The following SZT2 variants were observed in gnomAD, a reference collection of about 807,000 sequenced individuals.
SZT2 encodes SZT2 subunit of KICSTOR complex.
A neutral mutation model predicts 404.2 loss-of-function variants in SZT2; 216 were observed. The ratio of observed to expected loss-of-function variants is 0.53; its 90% CI spans 0.48 to 0.60. The LOEUF is 0.60. SZT2 is among the 20% of genes least tolerant of loss of function. The pLI is 0.00. For missense variants in SZT2, 3,857 were observed against 4,459.2 expected (o/e 0.86, Z 3.85); for synonymous variants, 1,693 against 1,749.9 (o/e 0.97, Z 0.81).
chr1:43,411,190 G>A (rs1285854844), intron 4 of SZT2, among the ~76,000 whole-genome samples: 1 of 152,208 alleles, frequency 6.6e-6, no homozygotes, highest in African/African-American at 2.4e-5. Context: ...CAAAAGTAGA[G>A]GATCTACAGG....
chr1:43,432,427 C>T lies in SZT2; in HGVS notation c.5430C>T (p.Gly1810=), dbSNP rs987197413. 6.4e-7 allele frequency: 1 copy of T among 1,565,164 alleles called. No individual in the cohort carries two copies. The highest frequency in any genetic ancestry group is 8.6e-7 in the Non-Finnish European group (1 of 1,157,044). The change falls in exon 37 of 72, where the codon GGC becomes GGT. Residue 1810 remains glycine (G), a synonymous_variant. Transcript: ENST00000634258. Reference sequence around the variant, plus strand: ...ACAGTCATGAGGACAGGGCTGAAGGCATCGAAGGGGAGGTGAGTCTCACCT... The same window carrying T: ...ACAGTCATGAGGACAGGGCTGAAGGTATCGAAGGGGAGGTGAGTCTCACCT... ...AWHSHEDRAE[G]IEGETLTASP... is the part of the protein sequence containing the mutation.
Position 43,431,318 on chromosome 1 carries a change from C to CT in SZT2, c.4973dup (p.Leu1658PhefsTer5). On this transcript the variant is annotated frameshift_variant, in exon 34 of 72. Transcript: ENST00000634258. LOFTEE classifies it high-confidence loss of function. ...CCACGATCCCCAGGGCAGCCATCAT[C>CT]TTTAAGGTCAGATGATGGCCTCGGG... is the stretch of plus-strand genomic sequence containing the variant. The CT allele has an allele frequency of 6.2e-7, 1 of 1,613,678 alleles. No individual in the cohort carries two copies. Among genetic ancestry groups the CT allele is most frequent in the Non-Finnish European group, 8.5e-7 (1 of 1,179,754 alleles).
At chr1:43,418,979 T>C (rs28711955) in intron 7 of SZT2, among the ~76,000 whole-genome samples, 7 of 152,240 alleles carry the variant, frequency 4.6e-5, no homozygotes, top group African/African-American at 1.7e-4. Flanking sequence ...GGCAGGTGAA[T>C]GGAATAGAGT....
chr1:43,423,387 T>G, intron 15 of SZT2, 71 bp downstream of exon 15: 1 of 1,412,400 alleles, frequency 7.1e-7, no homozygotes, highest in Non-Finnish European at 9.4e-7. Flanking sequence ...AGGGCATGGC[T>G]TAGCCCGGTG....
rs1402164738 is a variant in SZT2 at position 43,389,909 on chromosome 1, G to A, written c.-60G>A. The stretch of plus-strand genomic sequence containing the variant: ...TTCCTGCTGGGTGCCGAGGTAGCGA[G>A]GTCAGGGGTCAAGAGTGGAACACCC... On this transcript the variant is annotated 5_prime_UTR_variant, in exon 1 of 72. Transcript: ENST00000634258. 10 of 1,548,074 alleles carry A rather than the reference G, an allele frequency of 6.5e-6. No individual in the cohort carries two copies. Among genetic ancestry groups the A allele is most frequent in the South Asian group, 6.0e-5 (5 of 83,484 alleles).
rs367589523 is a variant in SZT2 at position 43,427,451 on chromosome 1, G to C, written c.3598+6G>C. 87 of 1,611,868 alleles carry C rather than the reference G, an allele frequency of 5.4e-5. No homozygotes were observed. In the African/African-American group the frequency reaches 1.1e-3, roughly 21 times the overall value. On this transcript the variant is annotated splice_donor_region_variant and intron_variant, in intron 25 of 71. Coordinates refer to ENST00000634258, the MANE Select transcript of SZT2 (RefSeq NM_001365999.1). ...CAGTGTGACCCTGGCTAGTGGTAAG[G>C]CTGCCGACTCAAGGTGGGCAGGAGT...
At chr1:43,421,653 C>T (rs1032601040) in intron 11 of SZT2, among the ~76,000 whole-genome samples, 2 of 152,242 alleles carry the variant, frequency 1.3e-5, no homozygotes, top group Non-Finnish European at 2.9e-5. Flanking sequence ...CCACCACCAG[C>T]CACCATGAAC....
intron 3 of SZT2, 99 bp from the exon 4 acceptor site, chr1:43,404,281 A>G (rs1034116715): frequency 1.1e-5 from 11 of 1,028,378 alleles, no homozygotes; most frequent in African/African-American, 8.0e-5. Context: ...GCGATCATCC[A>G]TAAGTTAAGT....
chr1:43,421,995 G>C (rs1652420450), intron 11 of SZT2, 88 bp from the exon 12 acceptor site: 4 of 1,412,988 alleles, frequency 2.8e-6, no homozygotes, highest in Non-Finnish European at 3.8e-6. Context: ...TCTCTGAACG[G>C]AGTCCACCCA....
rs1273395755 is a variant in SZT2 at position 43,424,490 on chromosome 1, G to A, written c.2471+58G>A. 4 of 1,536,160 alleles carry A rather than the reference G, an allele frequency of 2.6e-6. No individual in the cohort carries two copies. The highest frequency in any genetic ancestry group is 2.7e-5 in the African/African-American group (2 of 73,304). On this transcript the variant is annotated intron_variant, in intron 16 of 71. Transcript: ENST00000634258. This position sits in a 1 kb window ranked among gnomAD's most constrained non-coding sequence, Gnocchi z 4.1. ...GCAAGGAGAGAGCAAGTGTAGACTG[G>A]GACACTAGCAAAAAGCCTATAGCAC...
rs1258920770 is a variant in SZT2, at chr1:43,439,644, G to A, written c.6917G>A (p.Gly2306Glu). 3 of 1,613,738 alleles carry A rather than the reference G, an allele frequency of 1.9e-6. No individual in the cohort carries two copies. Among genetic ancestry groups the A allele is most frequent in the Non-Finnish European group, 2.5e-6 (3 of 1,179,836 alleles). Residue 2306 changes from glycine (G) to glutamate (E), a missense_variant, in exon 50 of 72, where the codon GGG becomes GAG. Gly to Glu is a moderately conservative substitution (Grantham distance 98, BLOSUM62 -2). Coordinates refer to ENST00000634258, the MANE Select transcript of SZT2 (RefSeq NM_001365999.1). The surrounding 1 kb of genome is among the most constrained non-coding windows in gnomAD (Gnocchi z 4.2). Reference protein sequence around the residue: ...CITLAFVDEGGAPLSLALWPP... With the variant: ...CITLAFVDEGEAPLSLALWPP... ...ACTCTAGCCTTTGTGGATGAAGGAG[G>A]GGCCCCCTTGTCACTGGCGTTGTGG...
At position 43,423,413 on chromosome 1, in the gene SZT2, TG is replaced by T; in HGVS notation, c.2255+98del. On this transcript the variant is annotated intron_variant, in intron 15 of 71. Coordinates refer to ENST00000634258, the MANE Select transcript of SZT2 (RefSeq NM_001365999.1). Reference sequence around the variant, plus strand: ...TAGCCCGGTGTGAGTAGTATAGAGGTGTGGAGTGCGTGGCTTAGTGGGGTAT... The same window carrying T: ...TAGCCCGGTGTGAGTAGTATAGAGGTTGGAGTGCGTGGCTTAGTGGGGTAT... 1.4e-5 allele frequency: 17 copies of T among 1,221,946 alleles called. No homozygotes were observed. In the South Asian group the frequency reaches 2.6e-4, roughly 18 times the overall value. 75.7% of individuals were successfully genotyped at this position (1,221,946 alleles called of 1,614,324 possible).
Position 43,448,050 on chromosome 1 carries a change from CCA to C in SZT2, c.9564-27_9564-26del, listed in dbSNP as rs1557604775. ...CCCTGTGTGTCTCTTGCTACAACCA[CCA>C]CTCTCCTGCCCTGCTCCCCACCCCA... is the stretch of plus-strand genomic sequence containing the variant. On this transcript the variant is annotated intron_variant, in intron 68 of 71. Transcript: ENST00000634258. The surrounding 1 kb of genome is among the most constrained non-coding windows in gnomAD (Gnocchi z 4.2). 6.2e-7 allele frequency: 1 copy of C among 1,606,824 alleles called. No homozygotes were observed.
chr1:43,439,723 A>G lies in SZT2; in HGVS notation c.6996A>G (p.Gln2332=). Residue 2332 remains glutamine, a synonymous_variant, in exon 50 of 72, where the codon CAA becomes CAG. Transcript: ENST00000634258. This position sits in a 1 kb window ranked among gnomAD's most constrained non-coding sequence, Gnocchi z 4.2. Reference sequence around the variant, plus strand: ...CACTGCGAGAGGAGGAATTTGAGCAACTGACCCAGGTCATCCGCTGCCCGG... The same window carrying G: ...CACTGCGAGAGGAGGAATTTGAGCAGCTGACCCAGGTCATCCGCTGCCCGG... ...PDPLREEEFE[Q]LTQVIRCPVV... is the part of the protein sequence containing the mutation. The G allele has an allele frequency of 6.2e-7, 1 of 1,610,852 alleles. No individual in the cohort carries two copies. The highest frequency in any genetic ancestry group is 8.5e-7 in the Non-Finnish European group (1 of 1,178,110).
In SZT2 at chr1:43,446,685, T is replaced by C. The variant is rs1441468883; in HGVS notation, c.9072+269T>C. 8 of 617,402 alleles carry C rather than the reference T, an allele frequency of 1.3e-5. No individual in the cohort carries two copies. In the East Asian group the frequency reaches 2.2e-4, roughly 17 times the overall value. The allele number at this position is 617,402 out of a possible 1,614,324, so 38.2% of individuals were successfully genotyped here. A position where few individuals can be genotyped will look rare whatever the true frequency, so the allele number is the denominator to read the frequency against. Reference sequence around the variant, plus strand: ...GTCTGGCCTGTAGTCATCTAGAGTCTGTGGCAGACCCTGATGGAATCTGGG... The same window carrying C: ...GTCTGGCCTGTAGTCATCTAGAGTCCGTGGCAGACCCTGATGGAATCTGGG... On this transcript the variant is annotated intron_variant, in intron 65 of 71. Coordinates refer to ENST00000634258, the MANE Select transcript of SZT2 (RefSeq NM_001365999.1).
In SZT2 at chr1:43,453,822, C is replaced by T. The variant is rs1369040109; in HGVS notation, c.*3342C>T. ...TGGGGAGGCCGGGCCGGGCGGAGTCCGCGGGATCCAAAGGCGGCGGGCGGC... is the reference window on the plus strand; with the variant it reads ...TGGGGAGGCCGGGCCGGGCGGAGTCTGCGGGATCCAAAGGCGGCGGGCGGC... On this transcript the variant is annotated 3_prime_UTR_variant, in exon 72 of 72. Transcript: ENST00000634258. 1 of 1,229,968 alleles carries T rather than the reference C, an allele frequency of 8.1e-7. No individual in the cohort carries two copies. The highest frequency in any genetic ancestry group is 3.3e-5 in the East Asian group (1 of 30,528). 76.2% of individuals were successfully genotyped at this position (1,229,968 alleles called of 1,614,324 possible).
In SZT2 at chr1:43,450,920, C is replaced by G; in HGVS notation, c.*440C>G. 2.7e-6 allele frequency: 2 copies of G among 750,034 alleles called. No homozygotes were observed. The highest frequency in any genetic ancestry group is 2.7e-5 in the South Asian group (2 of 73,624). The allele number at this position is 750,034 out of a possible 1,614,324, so 46.5% of individuals were successfully genotyped here. A position where few individuals can be genotyped will look rare whatever the true frequency, so the allele number is the denominator to read the frequency against. On this transcript the variant is annotated 3_prime_UTR_variant, in exon 72 of 72. Coordinates refer to ENST00000634258, the MANE Select transcript of SZT2 (RefSeq NM_001365999.1). The surrounding 1 kb of genome is among the most constrained non-coding windows in gnomAD (Gnocchi z 4.3). ...CTTGGACATCACTGCTGGACATTCC[C>G]ATCGAGATGACACCTGGGTTCCAAT...
In SZT2 at chr1:43,443,071, A is replaced by G. The variant is rs1655249880; in HGVS notation, c.8404A>G (p.Met2802Val). Reference protein sequence around the residue: ...YHGQQFLEIKMAERRELERQM... With the variant: ...YHGQQFLEIKVAERRELERQM... Reference sequence around the variant, plus strand: ...TGGACAACAGTTCCTAGAGATCAAGATGGCAGAGCGCAGAGGTGAGGGTAC... The same window carrying G: ...TGGACAACAGTTCCTAGAGATCAAGGTGGCAGAGCGCAGAGGTGAGGGTAC... The change falls in exon 59 of 72, where the codon ATG (methionine) becomes GTG (valine). Residue 2802 changes from methionine (M) to valine (V), a missense_variant. Around this residue, in one of 7 missense-constraint regions of SZT2, gnomAD observed 717 missense variants for 868.2 expected, o/e 0.83. Coordinates refer to ENST00000634258, the MANE Select transcript of SZT2 (RefSeq NM_001365999.1). 1 of 1,611,840 alleles carries G rather than the reference A, an allele frequency of 6.2e-7. No homozygotes were observed. Among genetic ancestry groups the G allele is most frequent in the South Asian group, 1.1e-5 (1 of 90,924 alleles).
chr1:43,428,738 G>GC, intron 28 of SZT2: 1 of 517,128 alleles, frequency 1.9e-6, no homozygotes, highest in Non-Finnish European at 3.5e-6. Flanking sequence ...CAGGGATAGG[G>GC]AGTCCCCTGG....
Sources: gnomAD v4.1 joint callset for allele counts (sites outside exome capture counted in the v4.1 genomes callset) on GRCh38, gnomAD v4.1.1 for gene constraint, gnomAD v4.1.1 regional missense constraint, Gnocchi (gnomAD v3.1) non-coding constraint, MANE v1.5 for transcripts, NCBI Gene and HGNC (gene_info 2026-07-23, HGNC 2026-07-21) for gene names.